GAD1: variants seen among roughly 807,000 people sequenced by gnomAD.
The protein encoded by GAD1 is glutamate decarboxylase 1, also known as 67 kDa glutamic acid decarboxylase.
In GAD1, 35 loss-of-function variants were observed where a neutral mutation model predicts 75.2. The observed-to-expected ratio is 0.47, with a 90% CI of 0.36 to 0.62. GAD1 has a LOEUF of 0.62. Ranked by LOEUF, GAD1 falls within the 20% of genes least tolerant of loss-of-function variation. The pLI is 0.00. For synonymous variants in GAD1, 257 were observed against 271.9 expected, an observed-to-expected ratio of 0.95 and a Z score of 0.54; for missense variants, 490 against 758.5, an observed-to-expected ratio of 0.65 and a Z score of 4.16.
chr2:170,859,016 C>G (rs1424185822), intron 16 of GAD1, 123 bp downstream of exon 16: 2 of 862,924 alleles, frequency 2.3e-6, no homozygotes, highest in Non-Finnish European at 3.8e-6. Flanking sequence ...GGGTGGGTTT[C>G]TAGTAATGGG....
At chr2:170,854,125 G>A (rs895977418) in intron 14 of GAD1, 103 bp downstream of exon 14, 1 of 1,152,068 alleles carries the variant, frequency 8.7e-7, no homozygotes, top group East Asian at 2.4e-5. Context: ...ACTATATGGG[G>A]AATCAATATC....
intron 14 of GAD1, among the ~76,000 whole-genome samples, chr2:170,855,872 CAAAAAAAAAA>C (rs71008727): frequency 4.5e-5 from 5 of 111,674 alleles, no homozygotes; most frequent in Non-Finnish European, 8.5e-5. Context: ...GACTCCATCT[CAAAAAAAAAA>C]AAAAAAAAAA....
At chr2:170,822,641 C>T (rs45609836) in intron 3 of GAD1, among the ~76,000 whole-genome samples, 347 of 152,376 alleles carry the variant, frequency 2.3e-3, no homozygotes, top group African/African-American at 7.8e-3. Flanking sequence ...CTACCCCTCA[C>T]TCGCACCTCC....
chr2:170,839,695 A>G (rs539365711), intron 6 of GAD1, among the ~76,000 whole-genome samples: 4 of 152,238 alleles, frequency 2.6e-5, no homozygotes, highest in South Asian at 2.1e-4. Context: ...CTTCTAAGCA[A>G]CGACCCAGTG....
intron 3 of GAD1, among the ~76,000 whole-genome samples, chr2:170,826,727 A>T (rs377187300): frequency 2.0e-5 from 3 of 152,200 alleles, no homozygotes; most frequent in African/African-American, 7.2e-5. Flanking sequence ...AGTGAGTCAG[A>T]AGCCTAAGCA....
At chr2:170,847,814 C>A (rs1702665289) in intron 11 of GAD1, 22 bp downstream of exon 11, 1 of 1,523,308 alleles carries the variant, frequency 6.6e-7, no homozygotes, top group Non-Finnish European at 9.1e-7. Flanking sequence ...ATAACTCAGG[C>A]CAGTCCATGT....
chr2:170,847,839 C>T (rs778483917), intron 11 of GAD1, 47 bp downstream of exon 11: 17 of 1,288,864 alleles, frequency 1.3e-5, no homozygotes, highest in Non-Finnish European at 1.8e-5. Flanking sequence ...GGTGGAGGCA[C>T]CTCTTTTTTA....
At chr2:170,815,437 G>A (rs1035174544), upstream of GAD1, among the ~76,000 whole-genome samples, 13 of 152,302 alleles carry the variant, frequency 8.5e-5, no homozygotes, top group Middle Eastern at 3.4e-3. Context: ...TGCTGATCAG[G>A]CCATGTCTGC....
chr2:170,847,910 C>G, intron 11 of GAD1, 118 bp downstream of exon 11: 1 of 775,440 alleles, frequency 1.3e-6, no homozygotes, highest in Non-Finnish European at 2.3e-6. Context: ...CACATTAGTT[C>G]CAGTTCTTGT....
chr2:170,849,156 C>T (rs1192746641), intron 11 of GAD1, 130 bp from the exon 12 acceptor site: 1 of 809,686 alleles, frequency 1.2e-6, no homozygotes, highest in Non-Finnish European at 2.1e-6. Context: ...GTGGGCTGAA[C>T]TTTTCTGAGA....
At position 170,843,026 on chromosome 2, in the gene GAD1, G is replaced by T. The variant is rs536470082; in HGVS notation, c.639-1019G>T. Among the ~76,000 whole-genome samples, 5 of 152,230 alleles carry T rather than the reference G, an allele frequency of 3.3e-5. No homozygotes were observed. In the South Asian group the frequency reaches 1.0e-3, roughly 32 times the overall value. On this transcript the variant is annotated intron_variant, in intron 6 of 16. Transcript: ENST00000358196. ...TGAGTCAGTCTAGGCATCTCTTTTC[G>T]GTGAGGATGATCTGAGCCCAGCCTA...
At chr2:170,835,494 T>C (rs920135762) in intron 5 of GAD1, among the ~76,000 whole-genome samples, 1 of 152,258 alleles carries the variant, frequency 6.6e-6, no homozygotes, top group Non-Finnish European at 1.5e-5. Flanking sequence ...GAAATTCTGA[T>C]AGATATAAGA....
chr2:170,856,956 C>A, intron 14 of GAD1, 62 bp from the exon 15 acceptor site: 1 of 1,290,440 alleles, frequency 7.7e-7, no homozygotes, highest in Non-Finnish European at 1.1e-6. Context: ...GACAGCATAG[C>A]CTTCCCAAAT....
chr2:170,849,795 G>C (rs772032304), intron 12 of GAD1, among the ~76,000 whole-genome samples: 2 of 152,238 alleles, frequency 1.3e-5, no homozygotes, highest in Non-Finnish European at 2.9e-5. Context: ...TAGGAGATAA[G>C]AGAGACTAAC....
At chr2:170,838,721 C>T (rs1702430474) in intron 6 of GAD1, among the ~76,000 whole-genome samples, 1 of 152,176 alleles carries the variant, frequency 6.6e-6, no homozygotes, top group Non-Finnish European at 1.5e-5. Flanking sequence ...CCCACAAATT[C>T]TCCTTTTTTG....
At chr2:170,851,025 A>AG (rs1443838659) in intron 12 of GAD1, among the ~76,000 whole-genome samples, 5 of 138,522 alleles carry the variant, frequency 3.6e-5, no homozygotes, top group African/African-American at 1.1e-4. Flanking sequence ...AAAAAAAAAG[A>AG]AAAAAAAAAG....
intron 2 of GAD1, among the ~76,000 whole-genome samples, chr2:170,820,081 G>T (rs1164708216): frequency 4.6e-5 from 7 of 152,236 alleles, no homozygotes; most frequent in Non-Finnish European, 8.8e-5. Context: ...GGAGGAACGC[G>T]AGGCCTGCGC....
rs775132289 is a variant in GAD1, at chr2:170,852,799, A to G, written c.1263+7A>G. The stretch of plus-strand genomic sequence containing the variant: ...CATTCTCGTCAAGGAAAAGGTCTGT[A>G]CTCCCTCCAAAGCTACACTGGGGCC... On this transcript the variant is annotated splice_region_variant and intron_variant, in intron 13 of 16. Transcript: ENST00000358196. 24 of 1,612,998 alleles carry G rather than the reference A, an allele frequency of 1.5e-5. No individual in the cohort carries two copies. The South Asian group carries it at 2.6e-4, about 18-fold the overall frequency.
chr2:170,825,568 A>C lies in GAD1; in HGVS notation c.145+3419A>C, dbSNP rs114427060. Among the ~76,000 whole-genome samples, 1,471 of 152,350 alleles carry C rather than the reference A, an allele frequency of 9.7e-3. 33 individuals are homozygous for C. Among genetic ancestry groups the C allele is most frequent in the African/African-American group, 0.033 (1,377 of 41,578 alleles). On this transcript the variant is annotated intron_variant, in intron 3 of 16. Coordinates refer to ENST00000358196, the MANE Select transcript of GAD1 (RefSeq NM_000817.3). ...CACTTGGCAACAACTGGCTGGAGCC[A>C]GGTGCTTTCTAGCTACACATACCTG...
Sources: allele counts gnomAD v4.1 joint callset (sites outside exome capture counted in the v4.1 genomes callset), GRCh38; gene constraint gnomAD v4.1.1; transcripts MANE v1.5; gene names NCBI Gene and HGNC (gene_info 2026-07-23, HGNC 2026-07-21).